The following AKAP9 variants were observed in gnomAD, a reference collection of about 807,000 sequenced individuals.
The protein encoded by AKAP9 is A-kinase anchoring protein 9.
In AKAP9, 311 loss-of-function variants were observed where a neutral mutation model predicts 488.5. The ratio of observed to expected loss-of-function variants is 0.64; its 90% CI spans 0.58 to 0.70. The LOEUF (loss-of-function observed/expected upper bound fraction) is 0.70, where lower values mean the gene tolerates loss of function less well. AKAP9 is among the 30% of genes least tolerant of loss of function. The probability of loss-of-function intolerance (pLI) is 0.00; values close to 1 mark genes in which losing one functional copy is unlikely to be tolerated. For synonymous variants in AKAP9, 1,462 were observed against 1,483.5 expected (o/e 0.99, Z 0.33); for missense variants, 4,215 against 4,374.5 (o/e 0.96, Z 1.03).
intron 1 of AKAP9, among the ~76,000 whole-genome samples, chr7:91,946,602 G>A (rs1791479840): frequency 6.6e-6 from 1 of 152,088 alleles, no homozygotes; most frequent in Admixed American, 6.5e-5. Context: ...TTGAACTCCT[G>A]GGCTCAAGCA....
intron 31 of AKAP9, among the ~76,000 whole-genome samples, chr7:92,081,203 G>A (rs1813490136): frequency 6.6e-6 from 1 of 151,852 alleles, no homozygotes; most frequent in Non-Finnish European, 1.5e-5. Flanking sequence ...TAATAAGTAT[G>A]AAAATATGTT....
chr7:91,968,146 C>T (rs1794641728), intron 1 of AKAP9, among the ~76,000 whole-genome samples: 1 of 152,126 alleles, frequency 6.6e-6, no homozygotes, highest in African/African-American at 2.4e-5. Context: ...CCATGTTGCC[C>T]AGGCTGGTCT....
At chr7:92,043,052 CCTTA>C (rs1167599792) in intron 20 of AKAP9, 1 of 243,574 alleles carries the variant, frequency 4.1e-6, no homozygotes, top group Non-Finnish European at 8.1e-6. Flanking sequence ...CAAAACTTTT[CCTTA>C]CTTTGATTTT....
At chr7:92,076,153 A>G (rs1467295021) in intron 28 of AKAP9, among the ~76,000 whole-genome samples, 1 of 152,228 alleles carries the variant, frequency 6.6e-6, no homozygotes, top group Non-Finnish European at 1.5e-5. Context: ...TATAAAAATA[A>G]TTCTTAATAT....
intron 46 of AKAP9, 104 bp downstream of exon 46, chr7:92,102,930 T>TA (rs1463142964): frequency 2.1e-5 from 22 of 1,029,976 alleles, no homozygotes; most frequent in Non-Finnish European, 3.2e-5. Context: ...TATATTTATA[T>TA]AGTAGGAGGT....
Position 92,083,381 on chromosome 7 carries a change from G to A in AKAP9, c.8372G>A (p.Ser2791Asn). Residue 2791 changes from serine (S) to asparagine (N), a missense_variant, in exon 33 of 50, where the codon AGC (serine) becomes AAC (asparagine). This residue lies in a region of AKAP9 where 1,476 missense variants were observed against 1,477.4 expected (regional missense o/e 1.00). Transcript: ENST00000356239. Reference protein sequence around the residue: ...QTDGTLKISSSNQTPQILVKN... With the variant: ...QTDGTLKISSNNQTPQILVKN... ...GATGGGACTCTGAAGATCAGTAGCA[G>A]CAATCAGACTCCACAAATTCTTGTT... The A allele has an allele frequency of 6.2e-7, 1 of 1,613,960 alleles. No individual in the cohort carries two copies.
rs541128189 is a variant in AKAP9 at position 92,096,545 on chromosome 7, C to T, written c.9730-144C>T. ...AGAGACAGGGTTTCACCATGTTGGC[C>T]AGGCTGGGCTTGAACTCTTGACCTC... On this transcript the variant is annotated intron_variant, in intron 40 of 49. Coordinates refer to ENST00000356239, the MANE Select transcript of AKAP9 (RefSeq NM_005751.5). The T allele has an allele frequency of 3.5e-6, 3 of 848,068 alleles. No homozygotes were observed. In the South Asian group the frequency reaches 5.0e-5, roughly 14 times the overall value. The allele number at this position is 848,068 out of a possible 1,614,324, so 52.5% of individuals were successfully genotyped here. A position where few individuals can be genotyped will look rare whatever the true frequency, so the allele number is the denominator to read the frequency against.
chr7:92,021,539 A>T (rs889409828), intron 12 of AKAP9, among the ~76,000 whole-genome samples: 6 of 152,108 alleles, frequency 3.9e-5, no homozygotes, highest in Admixed American at 3.9e-4. Flanking sequence ...CCCAGGTTCA[A>T]GAAATTCACC....
At chr7:92,047,661 A>G (rs765337995) in intron 21 of AKAP9, among the ~76,000 whole-genome samples, 1 of 152,230 alleles carries the variant, frequency 6.6e-6, no homozygotes, top group Non-Finnish European at 1.5e-5. Flanking sequence ...ATAGAGTCAT[A>G]ATATTTAATA....
rs1224314589 is a variant in AKAP9, at chr7:92,002,416, A to T, written c.2499A>T (p.Lys833Asn). 6.2e-7 allele frequency: 1 copy of T among 1,609,850 alleles called. No homozygotes were observed. Among genetic ancestry groups the T allele is most frequent in the Admixed American group, 1.7e-5 (1 of 59,336 alleles). ...TTATAGAGGAAAATGAGGACCTCAA[A>T]CAACAATGTATTCAGCTAAATGAAG... ...EILIEENEDL[K>N]QQCIQLNEEI... Residue 833 changes from lysine to asparagine, a missense_variant, in exon 8 of 50, where the codon AAA (lysine) becomes AAT (asparagine). Lys to Asn is a moderately conservative substitution (Grantham distance 94, BLOSUM62 0). Transcript: ENST00000356239.
intron 3 of AKAP9, among the ~76,000 whole-genome samples, chr7:91,983,030 G>A (rs1796627849): frequency 1.3e-5 from 2 of 151,636 alleles, no homozygotes; most frequent in African/African-American, 2.4e-5. Context: ...TTTTGATGGG[G>A]TTGTTTGCTT....
At chr7:91,995,991 C>G (rs1349117799) in intron 7 of AKAP9, 191 bp downstream of exon 7, 2 of 602,548 alleles carry the variant, frequency 3.3e-6, no homozygotes, top group African/African-American at 3.7e-5. Flanking sequence ...TTACTGAGTT[C>G]CCTAAAAGTG....
intron 23 of AKAP9, among the ~76,000 whole-genome samples, chr7:92,061,675 A>G (rs1176456986): frequency 2.7e-5 from 4 of 149,016 alleles, no homozygotes; most frequent in South Asian, 4.2e-4. Context: ...AGAAAATACC[A>G]AAAAGGATAG....
rs1279975567 is a variant in AKAP9, at chr7:91,973,007, A to G, written c.49-704A>G. On this transcript the variant is annotated intron_variant, in intron 1 of 49. Coordinates refer to ENST00000356239, the MANE Select transcript of AKAP9 (RefSeq NM_005751.5). ...TTTAGTATATAGTAATAGAAGACAC[A>G]GAAATTCCAGAAAGCAAATTCATGT... is the stretch of plus-strand genomic sequence containing the variant. 3.9e-5 allele frequency among the ~76,000 whole-genome samples: 6 copies of G among 152,354 alleles called. No individual in the cohort carries two copies. The East Asian group carries it at 7.7e-4, about 20-fold the overall frequency.
intron 8 of AKAP9, among the ~76,000 whole-genome samples, 158 bp from the exon 9 acceptor site, chr7:92,012,271 A>G (rs560258732): frequency 2.0e-5 from 3 of 152,344 alleles, no homozygotes; most frequent in African/African-American, 7.2e-5. Flanking sequence ...TGAAAAAGAA[A>G]GGTAGATCAA....
chr7:92,038,798 A>T (rs1805581908), intron 17 of AKAP9, 26 bp downstream of exon 17: 1 of 1,484,196 alleles, frequency 6.7e-7, no homozygotes, highest in African/African-American at 1.4e-5. Context: ...TGAATATAAA[A>T]AACTTATTTA....
intron 37 of AKAP9, among the ~76,000 whole-genome samples, chr7:92,087,857 T>TCATGA (rs1422467270): frequency 6.6e-6 from 1 of 151,014 alleles, no homozygotes; most frequent in Non-Finnish European, 1.5e-5. Context: ...AAATAAGAAC[T>TCATGA]CATGAGACCA....
At chr7:92,016,928 T>A (rs923214723) in intron 11 of AKAP9, 89 bp from the exon 12 acceptor site, 17 of 1,026,918 alleles carry the variant, frequency 1.7e-5, no homozygotes, top group African/African-American at 1.6e-4. Flanking sequence ...GCAATTTTTT[T>A]AAGTTATAAA....
Position 92,022,988 on chromosome 7 carries a change from G to A in AKAP9, c.4127G>A (p.Ser1376Asn). ...HCLQKRLQAV[S>N]ESTVPPSLPV... ...TTACAGAAGAGGCTTCAAGCTGTTA[G>A]TGAGTCCACGGTTCCGCCAAGGTAT... is the stretch of plus-strand genomic sequence containing the variant. Residue 1376 changes from serine (S) to asparagine (N), a missense_variant, in exon 14 of 50, where the codon AGT (serine) becomes AAT (asparagine). Physicochemically the swap from Ser to Asn is conservative, Grantham distance 46. This residue lies in a region of AKAP9 where 2,361 missense variants were observed against 2,430.0 expected (regional missense o/e 0.97). Transcript: ENST00000356239. 6.2e-7 allele frequency: 1 copy of A among 1,614,028 alleles called. No individual in the cohort carries two copies. Among genetic ancestry groups the A allele is most frequent in the African/African-American group, 1.3e-5 (1 of 75,074 alleles).
Sources: gnomAD v4.1 joint callset for allele counts (sites outside exome capture counted in the v4.1 genomes callset) on GRCh38, gnomAD v4.1.1 for gene constraint, gnomAD v4.1.1 regional missense constraint, MANE v1.5 for transcripts, NCBI Gene and HGNC (gene_info 2026-07-23, HGNC 2026-07-21) for gene names.